Variants in PCDH11X observed in about 807,000 individuals in gnomAD.
The protein encoded by PCDH11X is protocadherin 11 X-linked.
PCDH11X carries 18 observed loss-of-function variants against 53.3 expected under a neutral mutation model. That is an observed-to-expected ratio of 0.34 (90% confidence interval 0.23 to 0.50). The LOEUF (loss-of-function observed/expected upper bound fraction) is 0.50, where lower values mean the gene tolerates loss of function less well. Among genes scored for constraint, PCDH11X ranks in the 20% least tolerant of loss-of-function variants. The pLI is 0.98. For synonymous variants in PCDH11X, 279 were observed against 393.3 expected, an observed-to-expected ratio of 0.71 and a Z score of 3.44; for missense variants, 570 against 1,032.4, an observed-to-expected ratio of 0.55 and a Z score of 6.14.
chrX:92,553,427 C>T (rs2750513), intron 10 of PCDH11X, among the ~76,000 whole-genome samples: 1 of 109,983 alleles, frequency 9.1e-6, no homozygotes, highest in African/African-American at 3.3e-5. Flanking sequence ...TGTAGCGTCT[C>T]CTTTAGCATT....
chrX:91,793,966 A>ATTTTATTTGAATTACATTCAAGCATTTC (rs1935645938), intron 1 of PCDH11X, among the ~76,000 whole-genome samples: 2 of 112,201 alleles, frequency 1.8e-5, no homozygotes, highest in African/African-American at 6.5e-5. Context: ...AGAAACTGTT[A>ATTTTATTTGAATTACATTCAAGCATTTC]CAAAAATATA....
intron 7 of PCDH11X, among the ~76,000 whole-genome samples, chrX:92,240,761 G>A (rs2067249186): frequency 9.0e-6 from 1 of 110,600 alleles, no homozygotes; most frequent in Non-Finnish European, 1.9e-5. Flanking sequence ...CATAATATTG[G>A]GATTATACTC....
intron 10 of PCDH11X, among the ~76,000 whole-genome samples, chrX:92,532,193 A>C (rs935035501): frequency 1.8e-5 from 2 of 111,469 alleles, no homozygotes; most frequent in African/African-American, 6.5e-5. Context: ...GAGAGAGAGG[A>C]CATCAATAGG....
In PCDH11X at chrX:92,425,759, C is replaced by A. The variant is rs1228453727; in HGVS notation, c.3343+37826C>A. ...GGGTATTGATCCTAAGATATTTCAA[C>A]TTTTAGAAATAGAGGAGGTAAGAAG... On this transcript the variant is annotated intron_variant, in intron 9 of 10. Transcript: ENST00000682573. 1.1e-3 allele frequency among the ~76,000 whole-genome samples: 84 copies of A among 76,866 alleles called. 2 individuals are homozygous for A. Among genetic ancestry groups the A allele is most frequent in the African/African-American group, 3.8e-3 (82 of 21,318 alleles). 66.7% of individuals were successfully genotyped at this position (76,866 alleles called of 115,157 possible). A position where few individuals can be genotyped will look rare whatever the true frequency, so the allele number is the denominator to read the frequency against.
chrX:92,009,715 T>G (rs1311356343), intron 6 of PCDH11X, among the ~76,000 whole-genome samples: 9 of 97,230 alleles, frequency 9.3e-5, no homozygotes, highest in African/African-American at 3.0e-4. Flanking sequence ...TTTTTTTTTT[T>G]TTTTTTGAGA....
At chrX:91,840,123 A>G (rs763443456) in intron 5 of PCDH11X, among the ~76,000 whole-genome samples, 1 of 111,470 alleles carries the variant, frequency 9.0e-6, no homozygotes, top group East Asian at 2.8e-4. Flanking sequence ...CTGACTCAGA[A>G]TATGTATATA....
chrX:92,107,903 C>T (rs1461117881), intron 6 of PCDH11X, among the ~76,000 whole-genome samples: 2 of 111,522 alleles, frequency 1.8e-5, no homozygotes, highest in Non-Finnish European at 1.9e-5. Context: ...CGACAATATG[C>T]CAATATGTAT....
chrX:92,368,714 T>C (rs1255497527), intron 8 of PCDH11X, among the ~76,000 whole-genome samples: 2 of 110,854 alleles, frequency 1.8e-5, no homozygotes, highest in Non-Finnish European at 3.8e-5. Flanking sequence ...TTTGATGTTG[T>C]TGCTTTCTGT....
chrX:92,165,085 T>C (rs1313665550), intron 6 of PCDH11X, among the ~76,000 whole-genome samples: 3 of 108,623 alleles, frequency 2.8e-5, no homozygotes, highest in Non-Finnish European at 5.7e-5. Flanking sequence ...ATACATACAG[T>C]ATGCTGCTTG....
In PCDH11X at chrX:91,912,500, G is replaced by T. The variant is rs199742491; in HGVS notation, c.3033+33227G>T. 3.6e-5 allele frequency among the ~76,000 whole-genome samples: 4 copies of T among 109,744 alleles called. No individual in the cohort carries two copies. In the East Asian group the frequency reaches 1.1e-3, roughly 31 times the overall value. On this transcript the variant is annotated intron_variant, in intron 6 of 10. Coordinates refer to ENST00000682573, the MANE Select transcript of PCDH11X (RefSeq NM_032968.5). Reference sequence around the variant, plus strand: ...GAAGTGATGTTGCATTTTATCAAATGTTTATTCAGCATCAACCAAAATGAT... The same window carrying T: ...GAAGTGATGTTGCATTTTATCAAATTTTTATTCAGCATCAACCAAAATGAT...
At chrX:92,144,052 T>C (rs1433531084) in intron 6 of PCDH11X, among the ~76,000 whole-genome samples, 2 of 111,929 alleles carry the variant, frequency 1.8e-5, no homozygotes, top group African/African-American at 6.5e-5. Flanking sequence ...GCCCCCTTTT[T>C]TTAGATGATT....
intron 6 of PCDH11X, among the ~76,000 whole-genome samples, chrX:92,177,302 A>T (rs1163557926): frequency 1.8e-5 from 2 of 111,076 alleles, no homozygotes; most frequent in East Asian, 5.6e-4. Context: ...CTTATTTCAA[A>T]CTAGTTTGAG....
Position 91,878,456 on chromosome X carries a change from G to A in PCDH11X, c.2216G>A (p.Cys739Tyr). The A allele has an allele frequency of 8.3e-7, 1 of 1,207,923 alleles. No individual in the cohort carries two copies. Among genetic ancestry groups the A allele is most frequent in the Non-Finnish European group, 1.1e-6 (1 of 893,716 alleles). Residue 739 changes from cysteine (C) to tyrosine (Y), a missense_variant, in exon 6 of 11, where the codon TGT becomes TAT. This residue lies in a region of PCDH11X where 226 missense variants were observed against 457.5 expected (regional missense o/e 0.49). Coordinates refer to ENST00000682573, the MANE Select transcript of PCDH11X (RefSeq NM_032968.5). Reference protein sequence around the residue: ...ETGNITLMEKCDVTDLGLHRV... With the variant: ...ETGNITLMEKYDVTDLGLHRV... ...GGCAACATAACATTGATGGAGAAATGTGATGTTACAGACCTTGGTTTACAC... is the reference window on the plus strand; with the variant it reads ...GGCAACATAACATTGATGGAGAAATATGATGTTACAGACCTTGGTTTACAC...
intron 1 of PCDH11X, among the ~76,000 whole-genome samples, chrX:91,782,510 C>T (rs112198431): frequency 8.9e-4 from 99 of 110,703 alleles, no homozygotes; most frequent in Non-Finnish European, 1.5e-3. Context: ...TAAAAAAAAA[C>T]CCCGTGGCTG....
intron 6 of PCDH11X, among the ~76,000 whole-genome samples, chrX:92,136,229 G>A (rs993184866): frequency 2.6e-4 from 29 of 110,670 alleles, no homozygotes; most frequent in African/African-American, 8.9e-4. Context: ...GTAATCATGT[G>A]GCTATTTGGG....
At chrX:92,154,712 G>A (rs2065498632) in intron 6 of PCDH11X, among the ~76,000 whole-genome samples, 1 of 109,567 alleles carries the variant, frequency 9.1e-6, no homozygotes, top group African/African-American at 3.3e-5. Context: ...TAGCTCGCCC[G>A]GCAGGCCATT....
intron 7 of PCDH11X, among the ~76,000 whole-genome samples, chrX:92,212,630 G>A (rs934472524): frequency 7.1e-5 from 8 of 112,058 alleles, no homozygotes; most frequent in African/African-American, 2.3e-4. Context: ...GATTACAGGC[G>A]TGAGCCACCG....
chrX:92,268,993 T>C (rs1240930319), intron 8 of PCDH11X, among the ~76,000 whole-genome samples: 2 of 112,624 alleles, frequency 1.8e-5, no homozygotes, highest in Non-Finnish European at 3.7e-5. Context: ...GTGGTTCTTA[T>C]ATGTACATAT....
intron 6 of PCDH11X, among the ~76,000 whole-genome samples, chrX:92,091,638 A>C (rs960735878): frequency 1.1e-4 from 12 of 111,010 alleles, no homozygotes; most frequent in Non-Finnish European, 2.3e-4. Context: ...AGGTGGGACA[A>C]CTCAAAGTGG....
Sources: allele counts gnomAD v4.1 joint callset (sites outside exome capture counted in the v4.1 genomes callset), GRCh38; gene constraint gnomAD v4.1.1; regional missense constraint gnomAD v4.1.1; transcripts MANE v1.5; gene names NCBI Gene and HGNC (gene_info 2026-07-23, HGNC 2026-07-21).